PTPN1: variants seen among roughly 807,000 people sequenced by gnomAD.
PTPN1 encodes tyrosine-protein phosphatase non-receptor type 1.
In PTPN1, 12 loss-of-function variants were observed where a neutral mutation model predicts 59.9. The ratio of observed to expected loss-of-function variants is 0.20; its 90% CI spans 0.13 to 0.32. The LOEUF is 0.32. Ranked by LOEUF, PTPN1 falls within the 10% of genes least tolerant of loss-of-function variation. The pLI is 1.00. For synonymous variants in PTPN1, 178 were observed against 203.6 expected (o/e 0.87, Z 1.07); for missense variants, 356 against 549.2 (o/e 0.65, Z 3.52).
chr20:50,535,196 C>A (rs1219102494), intron 1 of PTPN1, among the ~76,000 whole-genome samples: 1 of 152,220 alleles, frequency 6.6e-6, no homozygotes, highest in East Asian at 1.9e-4. Flanking sequence ...CACTGTCCTA[C>A]TTGAAAACTT....
chr20:50,539,026 CTTTTTTTTTTTTTTT>C (rs71190576), intron 1 of PTPN1, among the ~76,000 whole-genome samples: 1 of 85,294 alleles, frequency 1.2e-5, no homozygotes, highest in Non-Finnish European at 2.3e-5. Context: ...CTTCTCAATT[CTTTTTTTTTTTTTTT>C]TTTTTTTTTT....
chr20:50,559,359 A>C (rs879750610), intron 1 of PTPN1, among the ~76,000 whole-genome samples: 9 of 152,088 alleles, frequency 5.9e-5, no homozygotes, highest in Non-Finnish European at 1.0e-4. Context: ...TGTTCTTAGA[A>C]TCTCGAAGGC....
At chr20:50,543,268 G>T (rs778931661) in intron 1 of PTPN1, among the ~76,000 whole-genome samples, 1 of 152,164 alleles carries the variant, frequency 6.6e-6, no homozygotes, top group Non-Finnish European at 1.5e-5. Context: ...CCTTACAGAA[G>T]GACAAAGGAG....
intron 1 of PTPN1, among the ~76,000 whole-genome samples, chr20:50,526,581 G>A (rs1007927232): frequency 6.6e-6 from 1 of 152,126 alleles, no homozygotes; most frequent in Non-Finnish European, 1.5e-5. Context: ...CCTGGCAGTT[G>A]AGATAGTCTC....
At chr20:50,581,147 C>T in intron 8 of PTPN1, 118 bp from the exon 9 acceptor site, 2 of 1,430,106 alleles carry the variant, frequency 1.4e-6, no homozygotes, top group Non-Finnish European at 1.8e-6. Context: ...AGGTTAACAT[C>T]ATCCAACTCT....
intron 6 of PTPN1, 88 bp from the exon 7 acceptor site, chr20:50,579,080 T>G: frequency 1.4e-6 from 2 of 1,398,366 alleles, no homozygotes; most frequent in Non-Finnish European, 2.0e-6. Context: ...CAGCATGAGA[T>G]TGGGAGGGGA....
intron 1 of PTPN1, among the ~76,000 whole-genome samples, chr20:50,543,852 C>CT (rs1040620183): frequency 3.0e-4 from 44 of 148,076 alleles, no homozygotes; most frequent in African/African-American, 5.4e-4. Flanking sequence ...AACTTTTAAA[C>CT]TTTTTTTTTT....
rs551146545 is a variant in PTPN1, at chr20:50,521,756, A to G, written c.63+11166A>G. On this transcript the variant is annotated intron_variant, in intron 1 of 9. Coordinates refer to ENST00000371621, the MANE Select transcript of PTPN1 (RefSeq NM_002827.4). Reference sequence around the variant, plus strand: ...TTGTGCCATTGTTTATAAATGAATCAGGAGAAATGACATGCAACTCTGGAT... The same window carrying G: ...TTGTGCCATTGTTTATAAATGAATCGGGAGAAATGACATGCAACTCTGGAT... Among the ~76,000 whole-genome samples the G allele has an allele frequency of 2.0e-5, 3 of 152,378 alleles. No individual in the cohort carries two copies. The East Asian group carries it at 5.8e-4, about 29-fold the overall frequency.
chr20:50,544,946 C>T (rs1347948854), intron 1 of PTPN1, among the ~76,000 whole-genome samples: 1 of 152,072 alleles, frequency 6.6e-6, no homozygotes, highest in Non-Finnish European at 1.5e-5. Context: ...GTAGAGGCTG[C>T]AGTGAGCATA....
chr20:50,532,596 TC>T (rs1464546168), intron 1 of PTPN1, among the ~76,000 whole-genome samples: 2 of 152,214 alleles, frequency 1.3e-5, no homozygotes, highest in African/African-American at 4.8e-5. Flanking sequence ...CCTGCAGTAT[TC>T]CAATTAATAT....
intron 1 of PTPN1, among the ~76,000 whole-genome samples, chr20:50,558,809 C>T (rs574902270): frequency 5.3e-5 from 8 of 152,226 alleles, no homozygotes; most frequent in South Asian, 4.1e-4. Context: ...GCTCGCTTCC[C>T]GTGTCTGTCA....
intron 1 of PTPN1, among the ~76,000 whole-genome samples, chr20:50,555,100 G>T (rs1012314570): frequency 6.6e-6 from 1 of 152,100 alleles, no homozygotes; most frequent in Non-Finnish European, 1.5e-5. Flanking sequence ...AAAGTAAGAA[G>T]AAAGGAAATA....
intron 1 of PTPN1, among the ~76,000 whole-genome samples, chr20:50,535,827 A>G (rs2082622016): frequency 6.6e-6 from 1 of 152,122 alleles, no homozygotes; most frequent in South Asian, 2.1e-4. Context: ...TGTGTCGTAT[A>G]TACATTTAGC....
chr20:50,571,169 C>T lies in PTPN1; in HGVS notation c.354+2691C>T, dbSNP rs138486319. ...CTCACCAGGCCCTGTGCTTCATTGTCTCCCACTCAAGACTGACCACAAATG... is the reference window on the plus strand; with the variant it reads ...CTCACCAGGCCCTGTGCTTCATTGTTTCCCACTCAAGACTGACCACAAATG... On this transcript the variant is annotated intron_variant, in intron 4 of 9. Coordinates refer to ENST00000371621, the MANE Select transcript of PTPN1 (RefSeq NM_002827.4). 5 of 152,392 alleles carry T rather than the reference C, an allele frequency of 3.3e-5. No individual in the cohort carries two copies. In the East Asian group the frequency reaches 9.6e-4, roughly 29 times the overall value. The allele number at this position is 152,392 out of a possible 1,614,324, so 9.4% of individuals were successfully genotyped here.
At position 50,568,295 on chromosome 20, in the gene PTPN1, G is replaced by T; in HGVS notation, c.256-85G>T. ...CTAAGCTGTGGGGACTGAGGGCGCT[G>T]TCGTTAGCTGACTGCAGAAGGTGAG... is the stretch of plus-strand genomic sequence containing the variant. On this transcript the variant is annotated intron_variant, in intron 3 of 9. Coordinates refer to ENST00000371621, the MANE Select transcript of PTPN1 (RefSeq NM_002827.4). This position sits in a 1 kb window ranked among gnomAD's most constrained non-coding sequence, Gnocchi z 5.6. 5 of 1,239,872 alleles carry T rather than the reference G, an allele frequency of 4.0e-6. No individual in the cohort carries two copies. Among genetic ancestry groups the T allele is most frequent in the Middle Eastern group, 2.1e-4 (1 of 4,784 alleles). 76.8% of individuals were successfully genotyped at this position (1,239,872 alleles called of 1,614,324 possible).
intron 1 of PTPN1, among the ~76,000 whole-genome samples, chr20:50,517,241 CT>C (rs1212841957): frequency 6.6e-6 from 1 of 152,054 alleles, no homozygotes; most frequent in Non-Finnish European, 1.5e-5. Context: ...ATTTTCAGTC[CT>C]TTTAAAGTTT....
chr20:50,543,257 T>C (rs556083240), intron 1 of PTPN1, among the ~76,000 whole-genome samples: 51 of 152,338 alleles, frequency 3.3e-4, no homozygotes, highest in Non-Finnish European at 7.1e-4. Context: ...GCCCATTCTT[T>C]CCTTACAGAA....
chr20:50,572,118 C>G (rs1016229338), intron 4 of PTPN1: 8 of 152,164 alleles, frequency 5.3e-5, no homozygotes, highest in African/African-American at 1.9e-4. Flanking sequence ...TGGGAAGGCC[C>G]CAAGGACTGT....
intron 4 of PTPN1, among the ~76,000 whole-genome samples, chr20:50,569,173 C>G (rs147648789): frequency 1.5e-4 from 23 of 152,188 alleles, no homozygotes; most frequent in Non-Finnish European, 3.1e-4. Context: ...AGTCTCACCA[C>G]GGTTCTTCCC....
Sources: gnomAD v4.1 joint callset for allele counts (sites outside exome capture counted in the v4.1 genomes callset) on GRCh38, gnomAD v4.1.1 for gene constraint, Gnocchi (gnomAD v3.1) non-coding constraint, MANE v1.5 for transcripts, NCBI Gene and HGNC (gene_info 2026-07-23, HGNC 2026-07-21) for gene names.